Variants in NCAM1 observed in about 807,000 individuals in gnomAD.
NCAM1 encodes antigen recognized by monoclonal antibody 5.1H11.
NCAM1 carries 14 observed loss-of-function variants against 109.8 expected under a neutral mutation model. That is an observed-to-expected ratio of 0.13 (90% CI 0.08 to 0.20). The LOEUF (loss-of-function observed/expected upper bound fraction) is 0.20. Ranked by LOEUF, NCAM1 falls within the 10% of genes least tolerant of loss-of-function variation. NCAM1 has a pLI of 1.00. For missense variants in NCAM1, 774 were observed against 1,109.9 expected (o/e 0.70, Z 4.30); for synonymous variants, 418 against 442.9 (o/e 0.94, Z 0.70).
chr11:113,001,461 T>C (rs1007182961), intron 1 of NCAM1, among the ~76,000 whole-genome samples: 32 of 152,198 alleles, frequency 2.1e-4, no homozygotes, highest in Non-Finnish European at 4.3e-4. Flanking sequence ...TAGAATCTCA[T>C]GTAATTCTTG....
chr11:113,074,883 C>T (rs886135539), intron 1 of NCAM1, among the ~76,000 whole-genome samples: 3 of 152,040 alleles, frequency 2.0e-5, no homozygotes, highest in African/African-American at 4.8e-5. Flanking sequence ...CTGCCCGCCT[C>T]GGCCTCCCAA....
At chr11:113,048,935 G>A (rs966330825) in intron 1 of NCAM1, among the ~76,000 whole-genome samples, 13 of 152,132 alleles carry the variant, frequency 8.5e-5, no homozygotes, top group African/African-American at 3.1e-4. Context: ...GTTTCTTGGG[G>A]TGCTCTTGTG....
At chr11:113,002,216 G>A (rs1555072583) in intron 1 of NCAM1, among the ~76,000 whole-genome samples, 1 of 152,196 alleles carries the variant, frequency 6.6e-6, no homozygotes, top group African/African-American at 2.4e-5. Context: ...TGGCAAAGGA[G>A]AAACCTGTGT....
intron 1 of NCAM1, among the ~76,000 whole-genome samples, chr11:113,191,757 G>A (rs11214536): frequency 1.4e-4 from 15 of 103,914 alleles, no homozygotes; most frequent in East Asian, 9.2e-4. Flanking sequence ...GTGTGTATAT[G>A]TGTGTGTGTG....
chr11:113,098,143 G>A (rs981010072), intron 1 of NCAM1, among the ~76,000 whole-genome samples: 10 of 152,142 alleles, frequency 6.6e-5, no homozygotes, highest in African/African-American at 2.4e-4. Context: ...TAAATTCCAA[G>A]GATAAGGCAA....
At chr11:113,148,212 T>G (rs1480745818) in intron 1 of NCAM1, among the ~76,000 whole-genome samples, 1 of 152,088 alleles carries the variant, frequency 6.6e-6, no homozygotes, top group Non-Finnish European at 1.5e-5. Flanking sequence ...CAGGTGTGGC[T>G]CCCAGCAGCC....
intron 1 of NCAM1, among the ~76,000 whole-genome samples, chr11:113,055,816 G>A (rs562999371): frequency 6.6e-5 from 10 of 151,408 alleles, no homozygotes; most frequent in Admixed American, 2.6e-4. Context: ...GAACTACCAC[G>A]TGACTCAGCA....
At chr11:113,097,758 T>A (rs577158466) in intron 1 of NCAM1, among the ~76,000 whole-genome samples, 30 of 152,304 alleles carry the variant, frequency 2.0e-4, no homozygotes, top group African/African-American at 7.0e-4. Context: ...TTAATGGACA[T>A]GTATTTTGAC....
In NCAM1 at chr11:113,237,871, T is replaced by G. The variant is rs1338297711; in HGVS notation, c.1825+2707T>G. ...AGGTGAGACCATATATATAGATATA[T>G]AGATATATATAGATATATAGATATA... On this transcript the variant is annotated intron_variant, in intron 14 of 19. Coordinates refer to ENST00000316851, the MANE Select transcript of NCAM1 (RefSeq NM_181351.5). Among the ~76,000 whole-genome samples the G allele has an allele frequency of 5.1e-5, 3 of 58,390 alleles. No homozygotes were observed. In the East Asian group the frequency reaches 2.1e-3, roughly 41 times the overall value. 38.3% of individuals were successfully genotyped at this position (58,390 alleles called of 152,430 possible).
chr11:113,025,178 AT>A (rs1172936421), intron 1 of NCAM1, among the ~76,000 whole-genome samples: 2 of 152,020 alleles, frequency 1.3e-5, no homozygotes, highest in African/African-American at 2.4e-5. Context: ...TTCTCAAGTC[AT>A]TTTTTTTCAT....
chr11:113,231,829 G>T (rs782359928), intron 10 of NCAM1, 34 bp downstream of exon 10: 1 of 1,613,014 alleles, frequency 6.2e-7, no homozygotes, highest in Non-Finnish European at 8.5e-7. Context: ...CTGGGGGAGG[G>T]AGGGGCAAGG....
chr11:113,143,193 C>T (rs1941893375), intron 1 of NCAM1, among the ~76,000 whole-genome samples: 1 of 152,100 alleles, frequency 6.6e-6, no homozygotes, highest in African/African-American at 2.4e-5. Flanking sequence ...ATTTTTTTCC[C>T]CAAACTAGGA....
chr11:113,091,348 G>T (rs868947878), intron 1 of NCAM1, among the ~76,000 whole-genome samples: 1 of 152,152 alleles, frequency 6.6e-6, no homozygotes, highest in African/African-American at 2.4e-5. Flanking sequence ...GGCTCAAAGG[G>T]TTATCTCAGG....
intron 15 of NCAM1, among the ~76,000 whole-genome samples, chr11:113,253,065 T>C (rs1210086885): frequency 6.6e-5 from 10 of 151,914 alleles, no homozygotes; most frequent in African/African-American, 2.4e-4. Flanking sequence ...TCTAACTATG[T>C]CAAATGTGTT....
chr11:112,991,658 C>T (rs782310399), intron 1 of NCAM1, among the ~76,000 whole-genome samples: 1 of 152,146 alleles, frequency 6.6e-6, no homozygotes, highest in Non-Finnish European at 1.5e-5. Context: ...TCTGGGACAG[C>T]CTCTGGGACT....
At chr11:113,063,073 C>T (rs534097976) in intron 1 of NCAM1, among the ~76,000 whole-genome samples, 31 of 152,198 alleles carry the variant, frequency 2.0e-4, no homozygotes, top group Non-Finnish European at 2.9e-4. Context: ...ATCTTGCAGC[C>T]TCCGAAAGAA....
At chr11:113,196,012 CA>C in intron 1 of NCAM1, among the ~76,000 whole-genome samples, 1 of 151,608 alleles carries the variant, frequency 6.6e-6, no homozygotes, top group Non-Finnish European at 1.5e-5. Context: ...ACTTTATGTA[CA>C]TTACCTTTCT....
chr11:113,119,936 C>G (rs1334617638), intron 1 of NCAM1, among the ~76,000 whole-genome samples: 3 of 152,154 alleles, frequency 2.0e-5, no homozygotes, highest in African/African-American at 7.2e-5. Flanking sequence ...TGACAAAATA[C>G]TTATTTGGAA....
intron 1 of NCAM1, among the ~76,000 whole-genome samples, chr11:113,043,174 G>C (rs1197272411): frequency 6.6e-6 from 1 of 151,908 alleles, no homozygotes; most frequent in Non-Finnish European, 1.5e-5. Flanking sequence ...GATCAGGGAG[G>C]GGGGCTGTAT....
Sources: gnomAD v4.1 joint callset for allele counts (sites outside exome capture counted in the v4.1 genomes callset) on GRCh38, gnomAD v4.1.1 for gene constraint, MANE v1.5 for transcripts, NCBI Gene and HGNC (gene_info 2026-07-23, HGNC 2026-07-21) for gene names.